Variants in PHKA2 observed in about 807,000 individuals in gnomAD.
The protein encoded by PHKA2 is phosphorylase b kinase regulatory subunit alpha, liver isoform.
PHKA2 carries 31 observed loss-of-function variants against 102.0 expected under a neutral mutation model. The observed-to-expected ratio is 0.30, with a 90% CI of 0.23 to 0.41. PHKA2 has a LOEUF of 0.41. PHKA2 is among the 10% of genes least tolerant of loss of function. The pLI, the probability that PHKA2 is intolerant of heterozygous loss-of-function variation, is 1.00. For missense variants in PHKA2, 858 were observed against 1,023.1 expected, an observed-to-expected ratio of 0.84 and a Z score of 2.20; for synonymous variants, 455 against 416.2, an observed-to-expected ratio of 1.09 and a Z score of -1.13.
At position 18,952,603 on chromosome X, in the gene PHKA2, C is replaced by A. The variant is rs1280563160; in HGVS notation, c.238-62G>T. 6 of 1,094,581 alleles carry A rather than the reference C, an allele frequency of 5.5e-6. No individual in the cohort carries two copies. In the South Asian group the frequency reaches 7.5e-5, roughly 14 times the overall value. 90.2% of individuals were successfully genotyped at this position (1,094,581 alleles called of 1,213,427 possible). A position where few individuals can be genotyped will look rare whatever the true frequency, so the allele number is the denominator to read the frequency against. ...GGTCCTTGCTGCAGGAAAATCACCTCCTGATCACTGTGGCTGGCAAGCCAG... is the reference window on the plus strand; with the variant it reads ...GGTCCTTGCTGCAGGAAAATCACCTACTGATCACTGTGGCTGGCAAGCCAG... On this transcript the variant is annotated intron_variant, in intron 2 of 32. Transcript: ENST00000379942.
At chrX:18,973,387 TTTC>T (rs767453030) in intron 1 of PHKA2, among the ~76,000 whole-genome samples, 2 of 109,504 alleles carry the variant, frequency 1.8e-5, no homozygotes, top group African/African-American at 3.4e-5. Context: ...TCACACTGTT[TTTC>T]TTCTTTATTA....
chrX:18,929,624 G>A (rs1250775173), intron 12 of PHKA2, among the ~76,000 whole-genome samples: 8 of 111,413 alleles, frequency 7.2e-5, no homozygotes, highest in South Asian at 3.8e-4. Context: ...CACTGTATGC[G>A]CACTGTCATA....
chrX:18,964,186 C>T (rs1173956515), intron 1 of PHKA2, among the ~76,000 whole-genome samples: 1 of 111,339 alleles, frequency 9.0e-6, no homozygotes, highest in African/African-American at 3.3e-5. Flanking sequence ...TTAGTGTTTC[C>T]TGCACACACA....
At chrX:18,967,155 G>T in intron 1 of PHKA2, among the ~76,000 whole-genome samples, 1 of 111,100 alleles carries the variant, frequency 9.0e-6, no homozygotes, top group East Asian at 2.8e-4. Flanking sequence ...TGAGAAACTG[G>T]GGGTGGCTTT....
intron 19 of PHKA2, 36 bp from the exon 20 acceptor site, chrX:18,910,996 G>A (rs1200967491): frequency 3.0e-5 from 28 of 918,698 alleles, no homozygotes; most frequent in Non-Finnish European, 4.1e-5. Flanking sequence ...TTATTCTGAG[G>A]AGGAAGAACA....
rs189762848 is a variant in PHKA2, at chrX:18,907,447, C to T, written c.2518-350G>A. ...AGATACCGATGGTAAGAGTTAATAA[C>T]CATATTCAATTCCTAAGTTACCCGT... On this transcript the variant is annotated intron_variant, in intron 22 of 32. Transcript: ENST00000379942. Among the ~76,000 whole-genome samples, 478 of 112,256 alleles carry T rather than the reference C, an allele frequency of 4.3e-3. 3 individuals carry two copies. Among genetic ancestry groups the T allele is most frequent in the Non-Finnish European group, 6.8e-3 (360 of 53,208 alleles).
intron 19 of PHKA2, among the ~76,000 whole-genome samples, chrX:18,914,770 C>A (rs2047991734): frequency 8.9e-6 from 1 of 111,828 alleles, no homozygotes; most frequent in Non-Finnish European, 1.9e-5. Context: ...GGCAACCAGG[C>A]CCTAATCCTT....
At chrX:18,895,523 T>G in intron 30 of PHKA2, 1 of 284,787 alleles carries the variant, frequency 3.5e-6, no homozygotes, top group Non-Finnish European at 6.3e-6. Context: ...GGTGCCATAA[T>G]AAAGGGGGAT....
intron 17 of PHKA2, among the ~76,000 whole-genome samples, chrX:18,921,952 G>T (rs1264860313): frequency 8.9e-6 from 1 of 112,664 alleles, no homozygotes. Context: ...CTCAATAAAA[G>T]GATTTATTTT....
intron 5 of PHKA2, among the ~76,000 whole-genome samples, chrX:18,945,838 C>G (rs1224065504): frequency 8.9e-6 from 1 of 112,449 alleles, no homozygotes; most frequent in African/African-American, 3.2e-5. Flanking sequence ...ATGTGTACTA[C>G]TGAAAGCTGA....
At chrX:18,932,129 C>T (rs2048325888) in intron 11 of PHKA2, among the ~76,000 whole-genome samples, 1 of 112,137 alleles carries the variant, frequency 8.9e-6, no homozygotes, top group Non-Finnish European at 1.9e-5. Context: ...GGCGGTGCAT[C>T]GCTGGAGCCA....
chrX:18,957,303 C>T (rs754648613), intron 1 of PHKA2, among the ~76,000 whole-genome samples: 1 of 112,354 alleles, frequency 8.9e-6, no homozygotes, highest in African/African-American at 3.2e-5. Flanking sequence ...CTCTCACTTA[C>T]TGATGCTTAT....
At chrX:18,944,094 C>T (rs1215006642) in intron 6 of PHKA2, among the ~76,000 whole-genome samples, 3 of 110,838 alleles carry the variant, frequency 2.7e-5, no homozygotes, top group Non-Finnish European at 3.8e-5. Context: ...GGATCACAGG[C>T]GTGAACCACT....
Position 18,954,234 on chromosome X carries a change from C to G in PHKA2, c.237+20G>C, listed in dbSNP as rs2048741892. The G allele has an allele frequency of 2.5e-6, 3 of 1,207,462 alleles. No individual in the cohort carries two copies. Among genetic ancestry groups the G allele is most frequent in the South Asian group, 1.8e-5 (1 of 56,910 alleles). The stretch of plus-strand genomic sequence containing the variant: ...AGAAGGTGGCTGAGCAGCCGAGATA[C>G]AGCTGTCAGTCACTATTACCTGCTC... On this transcript the variant is annotated intron_variant, in intron 2 of 32. Coordinates refer to ENST00000379942, the MANE Select transcript of PHKA2 (RefSeq NM_000292.3).
intron 1 of PHKA2, among the ~76,000 whole-genome samples, chrX:18,972,669 T>C (rs1030908594): frequency 2.7e-5 from 3 of 112,236 alleles, no homozygotes; most frequent in East Asian, 2.8e-4. Context: ...CATTTACGAA[T>C]TGTTTGTGGC....
Position 18,952,488 on chromosome X carries a change from G to A in PHKA2, c.285+6C>T. ...CTTGGCAAACACGTGTGTGGGTTCT[G>A]CCTACCTGTCTCATCATGCACTGGA... is the stretch of plus-strand genomic sequence containing the variant. On this transcript the variant is annotated splice_donor_region_variant and intron_variant, in intron 3 of 32. Coordinates refer to ENST00000379942, the MANE Select transcript of PHKA2 (RefSeq NM_000292.3). The A allele has an allele frequency of 8.3e-7, 1 of 1,207,057 alleles. No individual in the cohort carries two copies. Among genetic ancestry groups the A allele is most frequent in the Non-Finnish European group, 1.1e-6 (1 of 890,986 alleles).
At chrX:18,969,413 T>C (rs958986515) in intron 1 of PHKA2, among the ~76,000 whole-genome samples, 7 of 112,055 alleles carry the variant, frequency 6.2e-5, no homozygotes, top group African/African-American at 2.3e-4. Context: ...AAGTGCTTTA[T>C]ATGTACTTTT....
At chrX:18,934,213 G>T (rs1021508638) in intron 11 of PHKA2, among the ~76,000 whole-genome samples, 2 of 112,011 alleles carry the variant, frequency 1.8e-5, no homozygotes, top group African/African-American at 6.5e-5. Flanking sequence ...CGCAGCACGC[G>T]TACTAAAAGG....
chrX:18,932,052 T>C (rs962376741), intron 11 of PHKA2, among the ~76,000 whole-genome samples: 2 of 112,473 alleles, frequency 1.8e-5, no homozygotes, highest in Non-Finnish European at 3.8e-5. Context: ...ATGAGAACTC[T>C]CATGGCTCAT....
Sources: gnomAD v4.1 joint callset for allele counts (sites outside exome capture counted in the v4.1 genomes callset) on GRCh38, gnomAD v4.1.1 for gene constraint, MANE v1.5 for transcripts, NCBI Gene and HGNC (gene_info 2026-07-23, HGNC 2026-07-21) for gene names.